The following C2orf74 variants were observed in gnomAD, a reference collection of about 807,000 sequenced individuals.
C2orf74 encodes the protein DPM1 ER membrane anchor 1, also known as uncharacterized protein C2orf74.
In C2orf74, 14 loss-of-function variants were observed where a neutral mutation model predicts 17.9. That is an observed-to-expected ratio of 0.78 (90% CI 0.52 to 1.22). The LOEUF (loss-of-function observed/expected upper bound fraction) is 1.22, where lower values mean the gene tolerates loss of function less well. Among genes scored for constraint, C2orf74 ranks in the 50% most tolerant of loss-of-function variants. The pLI is 0.00. For synonymous variants in C2orf74, 79 were observed against 72.6 expected (o/e 1.09, Z -0.44); for missense variants, 217 against 218.4 (o/e 0.99, Z 0.04).
upstream of C2orf74, among the ~76,000 whole-genome samples, chr2:61,158,365 A>G (rs1383748363): frequency 6.6e-6 from 1 of 152,190 alleles, no homozygotes; most frequent in Admixed American, 6.5e-5. Context: ...AAGACTATGA[A>G]AGACCCTGTC....
intron 1 of C2orf74, 37 bp from the exon 2 acceptor site, chr2:61,162,379 C>A: frequency 1.5e-6 from 1 of 686,288 alleles, no homozygotes; most frequent in South Asian, 1.9e-5. Flanking sequence ...ACCAAAAGAA[C>A]AACAAAGAAA....
intron 1 of C2orf74, among the ~76,000 whole-genome samples, chr2:61,147,926 C>T (rs1486233123): frequency 1.3e-5 from 2 of 150,442 alleles, no homozygotes; most frequent in Non-Finnish European, 3.0e-5. Flanking sequence ...TGCCACCACG[C>T]CTGGCTAATT....
chr2:61,150,249 G>A (rs1345651706), intron 1 of C2orf74, among the ~76,000 whole-genome samples: 1 of 152,124 alleles, frequency 6.6e-6, no homozygotes, highest in Non-Finnish European at 1.5e-5. Context: ...AGGACTCCTG[G>A]GATGGAGGTG....
intron 4 of C2orf74, among the ~76,000 whole-genome samples, chr2:61,164,078 G>C (rs1192330759): frequency 6.6e-6 from 1 of 152,068 alleles, no homozygotes; most frequent in East Asian, 1.9e-4. Flanking sequence ...GGCCATGCCC[G>C]GTTGACGACA....
upstream of C2orf74, chr2:61,157,830 C>A (rs749389686): frequency 2.1e-6 from 1 of 468,258 alleles, no homozygotes; most frequent in Non-Finnish European, 4.4e-6. Context: ...GCTCACTCAT[C>A]CTGTAATTCC....
In C2orf74 at chr2:61,164,532, C is replaced by G. The variant is rs1368031832; in HGVS notation, c.*5C>G. 2 of 1,494,480 alleles carry G rather than the reference C, an allele frequency of 1.3e-6. No homozygotes were observed. The highest frequency in any genetic ancestry group is 8.9e-7 in the Non-Finnish European group (1 of 1,122,108). 92.6% of individuals were successfully genotyped at this position (1,494,480 alleles called of 1,614,324 possible). ...GAACATAAAGAGAGGAAATGAAGCT[C>G]AAAAAAGGGTAAGAGTGAAAGAAAA... On this transcript the variant is annotated 3_prime_UTR_variant, in exon 5 of 5. Coordinates refer to ENST00000432605, the MANE Select transcript of C2orf74 (RefSeq NM_001143959.4).
intron 1 of C2orf74, among the ~76,000 whole-genome samples, chr2:61,149,574 CTTTTTTT>C (rs70959895): frequency 2.5e-5 from 2 of 80,018 alleles, no homozygotes; most frequent in East Asian, 3.6e-4. Flanking sequence ...GGGCGCCTTT[CTTTTTTT>C]TTTTTTTTTT....
intron 1 of C2orf74, among the ~76,000 whole-genome samples, chr2:61,154,382 C>CT (rs1685333821): frequency 6.6e-6 from 1 of 152,030 alleles, no homozygotes; most frequent in Non-Finnish European, 1.5e-5. Context: ...CAAGAGGAGC[C>CT]TAAGGAGACA....
At chr2:61,156,027 G>A (rs1665262) in intron 1 of C2orf74, among the ~76,000 whole-genome samples, 63,043 of 151,346 alleles carry the variant, frequency 0.42, 13,357 homozygotes, top group Middle Eastern at 0.5. Flanking sequence ...ACCAGACCGT[G>A]TCTCTACAAA....
In C2orf74 at chr2:61,164,754, G is replaced by A. The variant is rs781742954; in HGVS notation, c.*227G>A. On this transcript the variant is annotated 3_prime_UTR_variant, in exon 5 of 5. Coordinates refer to ENST00000432605, the MANE Select transcript of C2orf74 (RefSeq NM_001143959.4). ...AATTCAAATCTGAGTTCAAGAAATTGATTGTATTGCCCTTAAAACTATCTA... is the reference window on the plus strand; with the variant it reads ...AATTCAAATCTGAGTTCAAGAAATTAATTGTATTGCCCTTAAAACTATCTA... The A allele has an allele frequency of 3.5e-5, 13 of 372,456 alleles. No homozygotes were observed. Among genetic ancestry groups the A allele is most frequent in the Non-Finnish European group, 5.3e-5 (11 of 208,816 alleles). 23.1% of individuals were successfully genotyped at this position (372,456 alleles called of 1,614,324 possible).
intron 1 of C2orf74, among the ~76,000 whole-genome samples, chr2:61,149,262 G>T (rs1685154084): frequency 6.6e-6 from 1 of 152,170 alleles, no homozygotes; most frequent in Non-Finnish European, 1.5e-5. Context: ...TTTCTCCAGA[G>T]TGGGAGTTAA....
chr2:61,153,257 T>TAG (rs1685292436), intron 1 of C2orf74, among the ~76,000 whole-genome samples: 2 of 151,596 alleles, frequency 1.3e-5, no homozygotes, highest in South Asian at 4.2e-4. Flanking sequence ...AGTAAATCAA[T>TAG]AGTAGAAGGA....
At chr2:61,152,019 A>G (rs1259877490) in intron 1 of C2orf74, 2 of 152,352 alleles carry the variant, frequency 1.3e-5, no homozygotes, top group East Asian at 3.8e-4. Context: ...TTTGTGGATT[A>G]GAGGTGTGAG....
At chr2:61,163,606 AAAATAATAATAATAAT>A (rs958819969) in intron 4 of C2orf74, among the ~76,000 whole-genome samples, 47 of 151,620 alleles carry the variant, frequency 3.1e-4, no homozygotes, top group Middle Eastern at 3.4e-3. Context: ...ATCTCAAAAA[AAAATAATAATAATAAT>A]AAATAATAAT....
At chr2:61,152,709 G>A (rs12616041) in intron 1 of C2orf74, among the ~76,000 whole-genome samples, 62,738 of 150,782 alleles carry the variant, frequency 0.42, 13,281 homozygotes, top group Middle Eastern at 0.5. Flanking sequence ...TTAGCTGGGC[G>A]TGGTGACACA....
intron 1 of C2orf74, among the ~76,000 whole-genome samples, chr2:61,153,756 G>T (rs1365909563): frequency 6.6e-6 from 1 of 151,342 alleles, no homozygotes; most frequent in Admixed American, 6.6e-5. Flanking sequence ...GGGCATGGTG[G>T]TGCACACCTG....
chr2:61,155,624 T>C (rs1665263), intron 1 of C2orf74, among the ~76,000 whole-genome samples: 63,251 of 151,758 alleles, frequency 0.42, 13,412 homozygotes, highest in Middle Eastern at 0.5. Flanking sequence ...GCGTTCACTC[T>C]ATTCTCCTGA....
At chr2:61,148,788 C>T (rs1685141764) in intron 1 of C2orf74, among the ~76,000 whole-genome samples, 1 of 152,118 alleles carries the variant, frequency 6.6e-6, no homozygotes, top group Non-Finnish European at 1.5e-5. Flanking sequence ...ACAATCTCGG[C>T]TCACTGCAAC....
chr2:61,146,513 C>CT lies in C2orf74; in HGVS notation c.-122+1324dup, dbSNP rs1685073684. On this transcript the variant is annotated intron_variant, in intron 1 of 3. Transcript: ENST00000426997. ...AAAAACAAAAATAACACTACAATAACTTTTTTTAAAAAAGCTAGAAACATA... is the reference window on the plus strand; with the variant it reads ...AAAAACAAAAATAACACTACAATAACTTTTTTTTAAAAAAGCTAGAAACATA... Among the ~76,000 whole-genome samples, 4 of 152,200 alleles carry CT rather than the reference C, an allele frequency of 2.6e-5. No individual in the cohort carries two copies. The South Asian group carries it at 6.2e-4, about 24-fold the overall frequency.
Sources: gnomAD v4.1 joint callset for allele counts (sites outside exome capture counted in the v4.1 genomes callset) on GRCh38, gnomAD v4.1.1 for gene constraint, MANE v1.5 for transcripts, NCBI Gene and HGNC (gene_info 2026-07-23, HGNC 2026-07-21) for gene names.